TRABD2B: variants seen among roughly 807,000 people sequenced by gnomAD.
The protein encoded by TRABD2B is metalloprotease TIKI2.
A neutral mutation model predicts 40.1 loss-of-function variants in TRABD2B; 14 were observed. The observed-to-expected ratio is 0.35, with a 90% CI of 0.23 to 0.55. TRABD2B has a LOEUF of 0.55. Ranked by LOEUF, TRABD2B falls within the 20% of genes least tolerant of loss-of-function variation. TRABD2B has a pLI of 0.90. For missense variants in TRABD2B, 541 were observed against 648.6 expected (o/e 0.83, Z 1.80); for synonymous variants, 263 against 277.0 (o/e 0.95, Z 0.50).
rs181908508 is a variant in TRABD2B, at chr1:47,864,156, A to G, written c.667-62537T>C. Among the ~76,000 whole-genome samples the G allele has an allele frequency of 1.0e-3, 158 of 152,284 alleles. 2 individuals carry two copies. The highest frequency in any genetic ancestry group is 2.9e-3 in the African/African-American group (122 of 41,548). Reference sequence around the variant, plus strand: ...TTTTTAGGGCAATGAAATAATCTGTATGATACTATAATGGTAGACACATGT... The same window carrying G: ...TTTTTAGGGCAATGAAATAATCTGTGTGATACTATAATGGTAGACACATGT... On this transcript the variant is annotated intron_variant, in intron 2 of 6. Coordinates refer to ENST00000606738, the MANE Select transcript of TRABD2B (RefSeq NM_001194986.2).
chr1:47,916,027 T>A (rs567588927), intron 2 of TRABD2B, among the ~76,000 whole-genome samples: 2 of 152,158 alleles, frequency 1.3e-5, no homozygotes, highest in South Asian at 4.1e-4. Flanking sequence ...TCTGCAGGTC[T>A]GCAAGGACCT....
intron 2 of TRABD2B, among the ~76,000 whole-genome samples, chr1:47,857,883 G>A (rs1373409945): frequency 5.5e-5 from 8 of 145,722 alleles, no homozygotes; most frequent in Non-Finnish European, 3.0e-5. Context: ...TAGTTAATAC[G>A]GTACCCACCC....
chr1:47,974,941 G>A (rs1385056618), intron 2 of TRABD2B, among the ~76,000 whole-genome samples: 3 of 152,118 alleles, frequency 2.0e-5, no homozygotes, highest in Non-Finnish European at 4.4e-5. Flanking sequence ...CACTCTAATT[G>A]TAAGAAAAAC....
At chr1:47,984,580 G>C (rs1645892383) in intron 2 of TRABD2B, among the ~76,000 whole-genome samples, 1 of 152,228 alleles carries the variant, frequency 6.6e-6, no homozygotes, top group Admixed American at 6.5e-5. Context: ...TCTAGTAGCA[G>C]TCCATGCAGA....
At chr1:47,875,917 T>A (rs1187952310) in intron 2 of TRABD2B, among the ~76,000 whole-genome samples, 1 of 152,140 alleles carries the variant, frequency 6.6e-6, no homozygotes, top group East Asian at 1.9e-4. Context: ...TATATTTGTG[T>A]TTCCCACTGA....
chr1:47,821,973 T>C (rs926346446), intron 2 of TRABD2B, among the ~76,000 whole-genome samples: 6 of 152,168 alleles, frequency 3.9e-5, no homozygotes, highest in African/African-American at 1.4e-4. Flanking sequence ...CCTGGAGCAC[T>C]GGGTAATGTG....
rs1644269191 is a variant in TRABD2B, at chr1:47,763,763, T to C, written c.*2139A>G. On this transcript the variant is annotated 3_prime_UTR_variant, in exon 7 of 7. Transcript: ENST00000606738. ...CAAACAGAGAGGAATCTGGCCTGTG[T>C]GCTTCTAATTCCTTTACACTTATCT... 6.6e-6 allele frequency: 1 copy of C among 152,256 alleles called. No homozygotes were observed. The highest frequency in any genetic ancestry group is 1.5e-5 in the Non-Finnish European group (1 of 68,050). 9.4% of individuals were successfully genotyped at this position (152,256 alleles called of 1,614,324 possible).
chr1:47,845,140 T>A (rs988834562), intron 2 of TRABD2B, among the ~76,000 whole-genome samples: 1 of 152,132 alleles, frequency 6.6e-6, no homozygotes, highest in Non-Finnish European at 1.5e-5. Context: ...TGTGTTCCAA[T>A]GACTATGCCT....
chr1:47,794,448 G>A, intron 4 of TRABD2B, 138 bp downstream of exon 4: 4 of 915,072 alleles, frequency 4.4e-6, no homozygotes, highest in Non-Finnish European at 6.1e-6. Context: ...GGATCTCGGT[G>A]CTGCTGCTAA....
chr1:47,855,299 G>A (rs962938162), intron 2 of TRABD2B, among the ~76,000 whole-genome samples: 1 of 152,162 alleles, frequency 6.6e-6, no homozygotes, highest in Non-Finnish European at 1.5e-5. Context: ...AAAACAAAAT[G>A]TATAGAATCA....
At chr1:47,831,834 T>G (rs769723672) in intron 2 of TRABD2B, among the ~76,000 whole-genome samples, 4 of 152,138 alleles carry the variant, frequency 2.6e-5, no homozygotes, top group Non-Finnish European at 4.4e-5. Flanking sequence ...TTGCCAGGCT[T>G]CTTCTTCCAG....
chr1:47,904,332 G>C (rs912749562), intron 2 of TRABD2B, among the ~76,000 whole-genome samples: 3 of 152,158 alleles, frequency 2.0e-5, no homozygotes, highest in Non-Finnish European at 4.4e-5. Flanking sequence ...GAAGCCCTGG[G>C]GGCTGAGAAG....
chr1:47,786,406 CCT>C (rs1644595978), intron 4 of TRABD2B, among the ~76,000 whole-genome samples: 1 of 152,212 alleles, frequency 6.6e-6, no homozygotes, highest in Non-Finnish European at 1.5e-5. Flanking sequence ...TCTAGACTCT[CCT>C]CTGTTTCGGA....
rs184279912 is a variant in TRABD2B at position 47,816,968 on chromosome 1, C to G, written c.667-15349G>C. 2.0e-5 allele frequency among the ~76,000 whole-genome samples: 3 copies of G among 152,280 alleles called. No homozygotes were observed. In the East Asian group the frequency reaches 5.8e-4, roughly 29 times the overall value. ...TAGCCATGTGCCAAACAGTCATCTA[C>G]CGACTTCTCTGCAGATGTAACGAGA... On this transcript the variant is annotated intron_variant, in intron 2 of 6. Transcript: ENST00000606738.
chr1:47,781,520 C>T (rs1022088671), intron 4 of TRABD2B, among the ~76,000 whole-genome samples: 18 of 152,222 alleles, frequency 1.2e-4, no homozygotes, highest in African/African-American at 2.9e-4. Context: ...GTCTGGCCGG[C>T]GTTCCTATCC....
intron 2 of TRABD2B, among the ~76,000 whole-genome samples, chr1:47,827,599 G>A (rs1225150139): frequency 4.6e-5 from 7 of 152,176 alleles, no homozygotes; most frequent in Admixed American, 1.3e-4. Flanking sequence ...GGAAACAAAC[G>A]GCAAATTGAG....
chr1:47,815,275 G>A (rs187270767), intron 2 of TRABD2B, among the ~76,000 whole-genome samples: 2 of 152,338 alleles, frequency 1.3e-5, no homozygotes, highest in East Asian at 3.9e-4. Flanking sequence ...ACTGCAGATG[G>A]GAAATACTCA....
intron 2 of TRABD2B, among the ~76,000 whole-genome samples, chr1:47,946,124 A>G (rs887761942): frequency 1.3e-5 from 2 of 152,054 alleles, no homozygotes; most frequent in Admixed American, 6.5e-5. Flanking sequence ...TTTACTTTGC[A>G]TTTTTCTAAT....
chr1:47,897,312 G>A (rs1644536254), intron 2 of TRABD2B, among the ~76,000 whole-genome samples: 1 of 152,160 alleles, frequency 6.6e-6, no homozygotes, highest in African/African-American at 2.4e-5. Flanking sequence ...CGATCAGAGA[G>A]GAAGCGAGCT....
Sources: gnomAD v4.1 joint callset for allele counts (sites outside exome capture counted in the v4.1 genomes callset) on GRCh38, gnomAD v4.1.1 for gene constraint, MANE v1.5 for transcripts, NCBI Gene and HGNC (gene_info 2026-07-23, HGNC 2026-07-21) for gene names.